The following ROBO2 variants were observed in gnomAD, a reference collection of about 807,000 sequenced individuals.
ROBO2 encodes roundabout guidance receptor 2.
In ROBO2, 53 loss-of-function variants were observed where a neutral mutation model predicts 160.8. The ratio of observed to expected loss-of-function variants is 0.33; its 90% CI spans 0.26 to 0.41. The LOEUF is 0.41. ROBO2 is among the 10% of genes least tolerant of loss of function. The pLI is 1.00. For synonymous variants in ROBO2, 664 were observed against 611.7 expected (o/e 1.09, Z -1.26); for missense variants, 1,577 against 1,722.4 (o/e 0.92, Z 1.49).
At chr3:76,661,467 G>A (rs1458032302) in intron 2 of ROBO2, among the ~76,000 whole-genome samples, 1 of 152,146 alleles carries the variant, frequency 6.6e-6, no homozygotes, top group East Asian at 1.9e-4. Context: ...ATGTACTCAA[G>A]ATGGTCAGGT....
chr3:76,195,933 C>T lies in ROBO2; in HGVS notation c.109+258331C>T, dbSNP rs1174828816. On this transcript the variant is annotated intron_variant, in intron 2 of 26. Transcript: ENST00000487694. Reference sequence around the variant, plus strand: ...TAGTTTTATAAGGTAGGGTCAGAGACTCTGGACTTCATGATGGGGACCTAG... The same window carrying T: ...TAGTTTTATAAGGTAGGGTCAGAGATTCTGGACTTCATGATGGGGACCTAG... Among the ~76,000 whole-genome samples the T allele has an allele frequency of 1.3e-5, 2 of 152,088 alleles. 1 individual carries two copies. Among genetic ancestry groups the T allele is most frequent in the South Asian group, 4.1e-4 (2 of 4,828 alleles).
intron 2 of ROBO2, among the ~76,000 whole-genome samples, chr3:76,352,089 T>C (rs550547659): frequency 6.6e-6 from 1 of 152,160 alleles, no homozygotes; most frequent in Non-Finnish European, 1.5e-5. Context: ...ACAGAACTTA[T>C]GTGGATGAAG....
chr3:77,098,418 G>T (rs1018367663), intron 2 of ROBO2, 78 bp downstream of exon 2: 94 of 1,404,100 alleles, frequency 6.7e-5, no homozygotes, highest in Non-Finnish European at 8.9e-5. Context: ...TCCCATAGAC[G>T]CTGAAACCTA....
At chr3:77,638,038 A>G in intron 24 of ROBO2, among the ~76,000 whole-genome samples, 1 of 152,358 alleles carries the variant, frequency 6.6e-6, no homozygotes, top group African/African-American at 2.4e-5. Flanking sequence ...CAGCCCACAT[A>G]TCTTCCCAAG....
chr3:77,257,051 A>G (rs2058465015), intron 2 of ROBO2, among the ~76,000 whole-genome samples: 1 of 152,140 alleles, frequency 6.6e-6, no homozygotes, highest in Non-Finnish European at 1.5e-5. Context: ...GTTTCATATT[A>G]CCTAGACGTG....
intron 2 of ROBO2, among the ~76,000 whole-genome samples, chr3:76,921,522 G>T (rs1167004): frequency 6.6e-6 from 1 of 152,276 alleles, no homozygotes; most frequent in African/African-American, 2.4e-5. Context: ...TGAGGCAGGA[G>T]AATCGCTTGA....
At chr3:76,086,017 G>C in intron 2 of ROBO2, among the ~76,000 whole-genome samples, 1 of 152,256 alleles carries the variant, frequency 6.6e-6, no homozygotes, top group Middle Eastern at 3.4e-3. Context: ...ACCGTTTGGG[G>C]TATTGTCAAA....
chr3:77,250,798 C>G (rs1023469397), intron 2 of ROBO2, among the ~76,000 whole-genome samples: 6 of 152,084 alleles, frequency 3.9e-5, no homozygotes. Flanking sequence ...GGGGGCTGAA[C>G]TCATCTTTTT....
At chr3:77,536,394 C>T (rs2092104850) in intron 6 of ROBO2, among the ~76,000 whole-genome samples, 1 of 152,018 alleles carries the variant, frequency 6.6e-6, no homozygotes, top group Admixed American at 6.6e-5. Flanking sequence ...CTTTCCCTCT[C>T]TCTCTTCTTT....
intron 2 of ROBO2, among the ~76,000 whole-genome samples, chr3:76,055,130 G>A (rs2107836917): frequency 6.6e-6 from 1 of 152,254 alleles, no homozygotes. Context: ...AAGAGGGCAT[G>A]TGCTTTATAA....
At chr3:76,986,663 C>A (rs1393222212) in intron 2 of ROBO2, among the ~76,000 whole-genome samples, 1 of 151,714 alleles carries the variant, frequency 6.6e-6, no homozygotes, top group Non-Finnish European at 1.5e-5. Context: ...GTAATTATTG[C>A]CAACACTAGG....
intron 2 of ROBO2, among the ~76,000 whole-genome samples, chr3:76,363,272 AC>A (rs889990279): frequency 1.3e-5 from 2 of 151,764 alleles, no homozygotes; most frequent in Non-Finnish European, 2.9e-5. Context: ...TTATGGTCTT[AC>A]TCCTTGGCCT....
At chr3:76,809,642 T>C (rs2065008200) in intron 2 of ROBO2, among the ~76,000 whole-genome samples, 1 of 152,158 alleles carries the variant, frequency 6.6e-6, no homozygotes, top group Admixed American at 6.6e-5. Context: ...AATGGGAAGC[T>C]GAATTTGTTG....
At chr3:75,941,122 C>A (rs1948035211) in intron 2 of ROBO2, among the ~76,000 whole-genome samples, 1 of 152,118 alleles carries the variant, frequency 6.6e-6, no homozygotes, top group African/African-American at 2.4e-5. Context: ...TATTTCATTT[C>A]ATTTCATTTC....
intron 2 of ROBO2, among the ~76,000 whole-genome samples, chr3:76,001,161 C>T (rs996395906): frequency 3.3e-5 from 5 of 152,248 alleles, no homozygotes; most frequent in African/African-American, 4.8e-5. Flanking sequence ...TTAGCACTAA[C>T]GAAGCACAAC....
chr3:76,539,736 C>T (rs779777928), intron 2 of ROBO2, among the ~76,000 whole-genome samples: 1 of 152,158 alleles, frequency 6.6e-6, no homozygotes, highest in Non-Finnish European at 1.5e-5. Flanking sequence ...TTTCTCCTTT[C>T]TAATGTCAGA....
intron 2 of ROBO2, among the ~76,000 whole-genome samples, chr3:77,020,808 T>C (rs1210487161): frequency 6.6e-6 from 1 of 152,190 alleles, no homozygotes; most frequent in East Asian, 1.9e-4. Flanking sequence ...TAGTAAGATA[T>C]AGTTTATGTA....
At chr3:76,478,680 GTTTTT>G (rs1042265916) in intron 2 of ROBO2, among the ~76,000 whole-genome samples, 23 of 120,922 alleles carry the variant, frequency 1.9e-4, no homozygotes, top group Admixed American at 6.8e-4. Context: ...TTTTTTCTCT[GTTTTT>G]TTTTTTTTTT....
chr3:76,911,438 T>C (rs990469784), intron 2 of ROBO2, among the ~76,000 whole-genome samples: 1 of 152,210 alleles, frequency 6.6e-6, no homozygotes, highest in Non-Finnish European at 1.5e-5. Flanking sequence ...GTTGGGTTTA[T>C]TCAAGGAATA....
Sources: allele counts gnomAD v4.1 joint callset (sites outside exome capture counted in the v4.1 genomes callset), GRCh38; gene constraint gnomAD v4.1.1; transcripts MANE v1.5; gene names NCBI Gene and HGNC (gene_info 2026-07-23, HGNC 2026-07-21).